The following PRDM16 variants were observed in gnomAD, a reference collection of about 807,000 sequenced individuals.
The protein encoded by PRDM16 is PR/SET domain 16, also known as histone-lysine N-methyltransferase PRDM16.
PRDM16 carries 23 observed loss-of-function variants against 110.6 expected under a neutral mutation model. The observed-to-expected ratio is 0.21, with a 90% confidence interval of 0.15 to 0.29. The LOEUF (loss-of-function observed/expected upper bound fraction) is 0.29. PRDM16 is among the 10% of genes least tolerant of loss of function. The pLI is 1.00. For missense variants in PRDM16, 1,615 were observed against 1,794.3 expected (o/e 0.90, Z 1.81); for synonymous variants, 799 against 781.8 (o/e 1.02, Z -0.37).
At chr1:3,184,985 G>A (rs1285185046) in intron 1 of PRDM16, among the ~76,000 whole-genome samples, 1 of 152,184 alleles carries the variant, frequency 6.6e-6, no homozygotes, top group African/African-American at 2.4e-5. Flanking sequence ...TCCTCCTTGG[G>A]GAGGGGAGGT....
chr1:3,378,360 G>C (rs1643032096), intron 3 of PRDM16, among the ~76,000 whole-genome samples: 1 of 152,174 alleles, frequency 6.6e-6, no homozygotes, highest in South Asian at 2.1e-4. Flanking sequence ...GGGAAGCAGG[G>C]ACCGGGACCT....
At chr1:3,196,212 T>C (rs370758891) in intron 2 of PRDM16, among the ~76,000 whole-genome samples, 1 of 152,146 alleles carries the variant, frequency 6.6e-6, no homozygotes, top group African/African-American at 2.4e-5. Flanking sequence ...ACTAACAGCA[T>C]GTAGGTGGGG....
In PRDM16 at chr1:3,437,364, G is replaced by A. The variant is rs923702086; in HGVS notation, c.*3553G>A. The A allele has an allele frequency of 4.7e-5, 11 of 232,320 alleles. No homozygotes were observed. Among genetic ancestry groups the A allele is most frequent in the South Asian group, 1.8e-4 (1 of 5,518 alleles). 14.4% of individuals were successfully genotyped at this position (232,320 alleles called of 1,614,324 possible). A position where few individuals can be genotyped will look rare whatever the true frequency, so the allele number is the denominator to read the frequency against. ...AAACACTTGCCTGAATACATATCAC[G>A]TATTTTAGACTCGAAGCCTCAAAGC... On this transcript the variant is annotated 3_prime_UTR_variant, in exon 17 of 17. Transcript: ENST00000270722.
intron 3 of PRDM16, among the ~76,000 whole-genome samples, chr1:3,287,998 C>A (rs933282416): frequency 1.6e-4 from 24 of 152,256 alleles, no homozygotes; most frequent in African/African-American, 5.8e-4. Context: ...AGGCAGAGCC[C>A]TGGGCTCAGG....
In PRDM16 at chr1:3,181,442, TCTTACAC is replaced by T. The variant is rs1557509121; in HGVS notation, c.38-4682_38-4676del. On this transcript the variant is annotated intron_variant, in intron 1 of 16. Coordinates refer to ENST00000270722, the MANE Select transcript of PRDM16 (RefSeq NM_022114.4). Reference sequence around the variant, plus strand: ...TACACACGCGGTCTTACACAAGCAGTCTTACACGGTCTTACACACGGTCTTACACACG... The same window carrying T: ...TACACACGCGGTCTTACACAAGCAGTGGTCTTACACACGGTCTTACACACG... Among the ~76,000 whole-genome samples the T allele has an allele frequency of 4.7e-3, 171 of 36,000 alleles. 77 individuals are homozygous for T. Among genetic ancestry groups the T allele is most frequent in the Non-Finnish European group, 9.6e-3 (126 of 13,158 alleles). The allele number at this position is 36,000 out of a possible 152,430, so 23.6% of individuals were successfully genotyped here.
chr1:3,105,624 C>T (rs1319501429), intron 1 of PRDM16, among the ~76,000 whole-genome samples: 3 of 152,220 alleles, frequency 2.0e-5, no homozygotes, highest in Admixed American at 6.5e-5. Flanking sequence ...ATTAGTATTG[C>T]GGGATGAATA....
At chr1:3,385,725 A>G (rs1643183775) in intron 4 of PRDM16, among the ~76,000 whole-genome samples, 1 of 152,204 alleles carries the variant, frequency 6.6e-6, no homozygotes, top group Non-Finnish European at 1.5e-5. Flanking sequence ...GCACCGGCCA[A>G]TGAGGCAGCC....
chr1:3,103,156 T>C (rs1228276721), intron 1 of PRDM16, among the ~76,000 whole-genome samples: 1 of 152,124 alleles, frequency 6.6e-6, no homozygotes, highest in East Asian at 1.9e-4. Context: ...CCTGTCCTGG[T>C]GAGCTGGGGC....
At chr1:3,110,587 C>G (rs1312060205) in intron 1 of PRDM16, among the ~76,000 whole-genome samples, 1 of 152,256 alleles carries the variant, frequency 6.6e-6, no homozygotes, top group Non-Finnish European at 1.5e-5. Flanking sequence ...TCCCCCATGT[C>G]CTGGGGAACG....
chr1:3,374,914 C>T (rs554157997), intron 3 of PRDM16, among the ~76,000 whole-genome samples: 4 of 152,276 alleles, frequency 2.6e-5, no homozygotes, highest in South Asian at 2.1e-4. Context: ...ACCAGTGGCC[C>T]GAAGTGGCCG....
At position 3,201,559 on chromosome 1, in the gene PRDM16, C is replaced by T. The variant is rs1220961545; in HGVS notation, c.387+15085C>T. Among the ~76,000 whole-genome samples, 1 of 152,190 alleles carries T rather than the reference C, an allele frequency of 6.6e-6. No individual in the cohort carries two copies. The highest frequency in any genetic ancestry group is 1.5e-5 in the Non-Finnish European group (1 of 68,032). Reference sequence around the variant, plus strand: ...GTCAGCTGTGGGGAGGACAGGAGGGCCACCCGGGGCAGCTGCCCTCTGAGG... The same window carrying T: ...GTCAGCTGTGGGGAGGACAGGAGGGTCACCCGGGGCAGCTGCCCTCTGAGG... On this transcript the variant is annotated intron_variant, in intron 2 of 16. Transcript: ENST00000270722. This position sits in a 1 kb window ranked among gnomAD's most constrained non-coding sequence, Gnocchi z 4.1.
rs796720977 is a variant in PRDM16, at chr1:3,192,551, T to C, written c.387+6077T>C. 2.0e-5 allele frequency among the ~76,000 whole-genome samples: 3 copies of C among 152,178 alleles called. No homozygotes were observed. In the South Asian group the frequency reaches 6.2e-4, roughly 32 times the overall value. ...GGTCCTATTGGAGGCTCTGCCTTTC[T>C]ACCGTTTTCATGGCAGTGGGCGGGG... On this transcript the variant is annotated intron_variant, in intron 2 of 16. Transcript: ENST00000270722.
chr1:3,238,247 G>C (rs577011751), intron 2 of PRDM16, among the ~76,000 whole-genome samples: 52 of 152,298 alleles, frequency 3.4e-4, no homozygotes, highest in African/African-American at 1.3e-3. Flanking sequence ...AGGAGTGAGG[G>C]AGGTGGTGGC....
chr1:3,135,612 G>A (rs923733845), intron 1 of PRDM16, among the ~76,000 whole-genome samples: 19 of 152,126 alleles, frequency 1.2e-4, no homozygotes, highest in Admixed American at 2.0e-4. Flanking sequence ...TGGGTAACCC[G>A]AGCCCGCCTG....
intron 3 of PRDM16, among the ~76,000 whole-genome samples, chr1:3,264,710 CG>C (rs575317160): frequency 1.4e-5 from 2 of 145,906 alleles, no homozygotes; most frequent in African/African-American, 5.1e-5. Flanking sequence ...AGGGGAGGGG[CG>C]TGGAGGGGGC....
intron 1 of PRDM16, among the ~76,000 whole-genome samples, chr1:3,150,123 G>A (rs1392319080): frequency 2.6e-5 from 4 of 152,198 alleles, no homozygotes; most frequent in South Asian, 2.1e-4. Context: ...GAATCCCCCC[G>A]AACGCACAGG....
rs1353408885 is a variant in PRDM16 at position 3,290,566 on chromosome 1, G to A, written c.438+46429G>A. Among the ~76,000 whole-genome samples, 1 of 152,176 alleles carries A rather than the reference G, an allele frequency of 6.6e-6. No individual in the cohort carries two copies. Among genetic ancestry groups the A allele is most frequent in the Non-Finnish European group, 1.5e-5 (1 of 68,034 alleles). The stretch of plus-strand genomic sequence containing the variant: ...GAGGTGAATGCTTGGGACAGCGAGA[G>A]GTGGCATCACTGAAGAAGCCCCGTG... On this transcript the variant is annotated intron_variant, in intron 3 of 16. Coordinates refer to ENST00000270722, the MANE Select transcript of PRDM16 (RefSeq NM_022114.4). This position sits in a 1 kb window ranked among gnomAD's most constrained non-coding sequence, Gnocchi z 4.8.
chr1:3,431,242 C>A, intron 15 of PRDM16, 134 bp downstream of exon 15: 1 of 1,388,358 alleles, frequency 7.2e-7, no homozygotes, highest in South Asian at 1.4e-5. Context: ...CACCTCAGGG[C>A]CTCCACACAC....
intron 1 of PRDM16, among the ~76,000 whole-genome samples, chr1:3,070,937 C>T (rs903569326): frequency 6.6e-6 from 1 of 152,250 alleles, no homozygotes; most frequent in Non-Finnish European, 1.5e-5. Context: ...ACCTCTGACC[C>T]CTCTTGGTGC....
Sources: allele counts gnomAD v4.1 joint callset (sites outside exome capture counted in the v4.1 genomes callset), GRCh38; gene constraint gnomAD v4.1.1; non-coding constraint Gnocchi (gnomAD v3.1); transcripts MANE v1.5; gene names NCBI Gene and HGNC (gene_info 2026-07-23, HGNC 2026-07-21).